The following DNHD1 variants were observed in gnomAD, a reference collection of about 807,000 sequenced individuals.
DNHD1 encodes dynein heavy chain domain-containing protein 1.
In DNHD1, 383 loss-of-function variants were observed where a neutral mutation model predicts 458.1. The ratio of observed to expected loss-of-function variants is 0.84; its 90% CI spans 0.77 to 0.91. The LOEUF is 0.91. Ranked by LOEUF, DNHD1 falls within the 40% of genes least tolerant of loss-of-function variation. DNHD1 has a pLI of 0.00. For missense variants in DNHD1, 5,336 were observed against 5,866.1 expected, an observed-to-expected ratio of 0.91 and a Z score of 2.95; for synonymous variants, 2,203 against 2,376.9, an observed-to-expected ratio of 0.93 and a Z score of 2.13.
Position 6,538,762 on chromosome 11 carries a change from C to G in DNHD1, c.3277C>G (p.Leu1093Val), listed in dbSNP as rs1853024017. The change falls in exon 16 of 43, where the codon CTG becomes GTG. Residue 1093 changes from leucine to valine, a missense_variant. Physicochemically the swap from Leu to Val is conservative, Grantham distance 32. Around this residue, in one of 4 missense-constraint regions of DNHD1, gnomAD observed 3,932 missense variants for 4,365.6 expected, o/e 0.90. Transcript: ENST00000254579. ...FRSYLPLLTK[L>V]GSLHPQSLNC... ...CAGCTACCTGCCCCTGCTCACTAAG[C>G]TGGGCAGCCTCCACCCACAGAGCCT... The G allele has an allele frequency of 1.3e-6, 2 of 1,540,838 alleles. No individual in the cohort carries two copies. The highest frequency in any genetic ancestry group is 2.0e-5 in the Admixed American group (1 of 50,378).
Position 6,498,788 on chromosome 11 carries a change from T to C in DNHD1, c.573T>C (p.Pro191=), listed in dbSNP as rs748470772. 6.2e-7 allele frequency: 1 copy of C among 1,614,194 alleles called. No individual in the cohort carries two copies. The part of the protein sequence containing the change: ...LATWLRPLTL[P]ELQRCLGIVG... ...CCTGGCTGCGACCATTGACACTGCCTGAGCTACAGCGCTGCCTGGGCATTG... is the reference window on the plus strand; with the variant it reads ...CCTGGCTGCGACCATTGACACTGCCCGAGCTACAGCGCTGCCTGGGCATTG... Residue 191 remains proline (P), a synonymous_variant, in exon 3 of 43, where the codon CCT becomes CCC. Coordinates refer to ENST00000254579, the MANE Select transcript of DNHD1 (RefSeq NM_144666.3).
rs749934488 is a variant in DNHD1, at chr11:6,571,062, C to T, written c.13550C>T (p.Pro4517Leu). 16 of 1,579,030 alleles carry T rather than the reference C, an allele frequency of 1.0e-5. No individual in the cohort carries two copies. In the East Asian group the frequency reaches 3.1e-4, roughly 31 times the overall value. The change falls in exon 42 of 43, where the codon CCC becomes CTC. Residue 4517 changes from proline (P) to leucine (L), a missense_variant. Pro to Leu is a moderately conservative substitution (Grantham distance 98). Coordinates refer to ENST00000254579, the MANE Select transcript of DNHD1 (RefSeq NM_144666.3). This position sits in a 1 kb window ranked among gnomAD's most constrained non-coding sequence, Gnocchi z 5.0. The stretch of plus-strand genomic sequence containing the variant: ...CAGCTGAAGGGCGCACCCCCGTGCC[C>T]CTCCCGCCGCTGTGCTGCGGTGGCC... ...LQQLKGAPPC[P>L]SRRCAAVAHA... is the part of the protein sequence containing the mutation.
intron 14 of DNHD1, among the ~76,000 whole-genome samples, chr11:6,537,068 T>C (rs1336472681): frequency 1.3e-5 from 2 of 152,224 alleles, no homozygotes; most frequent in Non-Finnish European, 2.9e-5. Context: ...TATCACTTTT[T>C]GTCCCACTCA....
chr11:6,514,368 T>A (rs1852412356), intron 7 of DNHD1, among the ~76,000 whole-genome samples: 1 of 152,132 alleles, frequency 6.6e-6, no homozygotes, highest in Admixed American at 6.5e-5. Context: ...CTTCCCAAAG[T>A]GCTAGGATTA....
Position 6,556,959 on chromosome 11 carries a change from G to A in DNHD1, c.7664G>A (p.Arg2555Gln), listed in dbSNP as rs1334288367. Residue 2555 changes from arginine (R) to glutamine (Q), a missense_variant, in exon 25 of 43, where the codon CGG becomes CAG. Transcript: ENST00000254579. ...AWLERFPSVE[R>Q]ERALARGLVR... The stretch of plus-strand genomic sequence containing the variant: ...CTTGAGCGTTTCCCTTCTGTGGAAC[G>A]GGAGCGTGCTCTGGCACGAGGTCTG... The A allele has an allele frequency of 8.4e-6, 13 of 1,551,584 alleles. No homozygotes were observed. The highest frequency in any genetic ancestry group is 7.1e-5 in the South Asian group (6 of 84,060).
intron 4 of DNHD1, 116 bp from the exon 5 acceptor site, chr11:6,508,764 T>C: frequency 1.2e-6 from 1 of 855,162 alleles, no homozygotes; most frequent in Non-Finnish European, 1.8e-6. Flanking sequence ...CCCCTTTTTC[T>C]CCTTTCTTCT....
At chr11:6,549,086 A>G (rs1853282148) in intron 24 of DNHD1, 153 bp downstream of exon 24, 11 of 838,976 alleles carry the variant, frequency 1.3e-5, no homozygotes, top group Non-Finnish European at 1.8e-5. Context: ...ATGCTCCCTG[A>G]ACAATCCCAT....
chr11:6,546,581 T>C lies in DNHD1; in HGVS notation c.5642T>C (p.Leu1881Pro), dbSNP rs1387696115. ...PCRLPLLKQI[L>P]EDTIRTLNVT... ...CGCCTGCCACTGCTCAAGCAGATAC[T>C]GGAAGACACAATACGGACACTAAAT... Residue 1881 changes from leucine (L) to proline (P), a missense_variant, in exon 21 of 43, where the codon CTG becomes CCG. Leu to Pro is a moderately conservative substitution (Grantham distance 98, BLOSUM62 -3). Around this residue, in one of 4 missense-constraint regions of DNHD1, gnomAD observed 3,932 missense variants for 4,365.6 expected, o/e 0.90. Coordinates refer to ENST00000254579, the MANE Select transcript of DNHD1 (RefSeq NM_144666.3). The C allele has an allele frequency of 2.6e-6, 4 of 1,551,852 alleles. No individual in the cohort carries two copies. The highest frequency in any genetic ancestry group is 2.6e-6 in the Non-Finnish European group (3 of 1,147,024).
At chr11:6,539,770 G>A (rs1037788630) in intron 17 of DNHD1, 106 bp from the exon 18 acceptor site, 7 of 1,040,124 alleles carry the variant, frequency 6.7e-6, no homozygotes, top group Non-Finnish European at 1.0e-5. Context: ...ACTTTCCTGA[G>A]CCCTGGCCCT....
intron 6 of DNHD1, among the ~76,000 whole-genome samples, chr11:6,510,187 A>C (rs1333323829): frequency 6.6e-6 from 1 of 151,972 alleles, no homozygotes; most frequent in Non-Finnish European, 1.5e-5. Flanking sequence ...GGGTTCAAGC[A>C]ATTCTCCTGC....
At chr11:6,568,974 G>A (rs532872573) in intron 39 of DNHD1, 108 bp downstream of exon 39, 3 of 1,266,404 alleles carry the variant, frequency 2.4e-6, no homozygotes, top group African/African-American at 3.0e-5. Flanking sequence ...GCTCCAAAGA[G>A]CAAGGGCAAG....
In DNHD1 at chr11:6,498,803, C is replaced by CCTGGG. The variant is rs1288714568; in HGVS notation, c.590_594dup (p.Ile199TrpfsTer10). 1.2e-6 allele frequency: 2 copies of CCTGGG among 1,614,234 alleles called. No individual in the cohort carries two copies. Among genetic ancestry groups the CCTGGG allele is most frequent in the South Asian group, 1.1e-5 (1 of 91,088 alleles). ...TGACACTGCCTGAGCTACAGCGCTG[C>CCTGGG]CTGGGCATTGTTGGTGCTCAGGTGG... On this transcript the variant is annotated frameshift_variant, in exon 3 of 43. Transcript: ENST00000254579. LOFTEE classifies it high-confidence loss of function.
chr11:6,571,243 A>G lies in DNHD1; in HGVS notation c.13731A>G (p.Pro4577=), dbSNP rs1853842777. Residue 4577 remains proline (P), a synonymous_variant, in exon 42 of 43, where the codon CCA becomes CCG. Coordinates refer to ENST00000254579, the MANE Select transcript of DNHD1 (RefSeq NM_144666.3). This position sits in a 1 kb window ranked among gnomAD's most constrained non-coding sequence, Gnocchi z 5.0. ...GCGCGGACGCGAGCAGTGATGTACC[A>G]GAGCGCGTCTTCCACCTGTCAGCCT... ...GVGADASSDV[P]ERVFHLSAFR... 2 of 1,612,542 alleles carry G rather than the reference A, an allele frequency of 1.2e-6. No individual in the cohort carries two copies. The highest frequency in any genetic ancestry group is 8.5e-7 in the Non-Finnish European group (1 of 1,179,730).
In DNHD1 at chr11:6,571,956, G is replaced by A. The variant is rs778503369; in HGVS notation, c.14232G>A (p.Arg4744=). 1 of 1,611,946 alleles carries A rather than the reference G, an allele frequency of 6.2e-7. No individual in the cohort carries two copies. The highest frequency in any genetic ancestry group is 2.2e-5 in the East Asian group (1 of 44,818). Residue 4744 remains arginine (R), a synonymous_variant, in exon 43 of 43, where the codon AGG becomes AGA. Transcript: ENST00000254579. The surrounding 1 kb of genome is among the most constrained non-coding windows in gnomAD (Gnocchi z 5.0). ...CCCCCAACACCTGTGTCCAAAGGAG[G>A]GTCCATGTGTGCAGCCCACCCCTGT... The part of the protein sequence containing the change: ...KLTPNTCVQR[R]VHVCSPPLS
Position 6,566,003 on chromosome 11 carries a change from T to TGCC in DNHD1, c.11053+12_11053+13insGCC. On this transcript the variant is annotated intron_variant, in intron 33 of 42. Transcript: ENST00000254579. ...GGCAGCTGCTTGTGGTGAGAGCTGG[T>TGCC]CCCCACCCACCCTGGCCCCTTTTTG... 2 of 1,508,972 alleles carry TGCC rather than the reference T, an allele frequency of 1.3e-6. No individual in the cohort carries two copies. Among genetic ancestry groups the TGCC allele is most frequent in the Non-Finnish European group, 1.8e-6 (2 of 1,110,704 alleles). The allele number at this position is 1,508,972 out of a possible 1,614,324, so 93.5% of individuals were successfully genotyped here.
intron 6 of DNHD1, among the ~76,000 whole-genome samples, chr11:6,510,088 ATT>A (rs367958360): frequency 6.7e-6 from 1 of 148,360 alleles, no homozygotes; most frequent in African/African-American, 2.5e-5. Context: ...ACTCAAAAGA[ATT>A]TTTTTTTTTT....
At chr11:6,561,471 A>G (rs1354646282) in intron 28 of DNHD1, among the ~76,000 whole-genome samples, 1 of 152,214 alleles carries the variant, frequency 6.6e-6, no homozygotes, top group Non-Finnish European at 1.5e-5. Flanking sequence ...TTGCTTCCTA[A>G]TAAGAGGAGA....
intron 18 of DNHD1, among the ~76,000 whole-genome samples, chr11:6,541,654 T>C (rs970526320): frequency 2.0e-5 from 3 of 152,192 alleles, no homozygotes; most frequent in Non-Finnish European, 4.4e-5. Context: ...TGGGCCACAT[T>C]AATAATTTAC....
chr11:6,551,883 G>C (rs1256389887), intron 24 of DNHD1, among the ~76,000 whole-genome samples: 2 of 134,206 alleles, frequency 1.5e-5, no homozygotes, highest in Non-Finnish European at 3.1e-5. Flanking sequence ...GGAAGTTGCG[G>C]TGAGCTGAGA....
Sources: gnomAD v4.1 joint callset for allele counts (sites outside exome capture counted in the v4.1 genomes callset) on GRCh38, gnomAD v4.1.1 for gene constraint, gnomAD v4.1.1 regional missense constraint, Gnocchi (gnomAD v3.1) non-coding constraint, MANE v1.5 for transcripts, NCBI Gene and HGNC (gene_info 2026-07-23, HGNC 2026-07-21) for gene names.